Variants in ANKS1B observed in about 807,000 individuals in gnomAD.
ANKS1B encodes ankyrin repeat and sterile alpha motif domain-containing protein 1B.
Under a neutral mutation model 148.3 loss-of-function variants are expected in ANKS1B, and 36 were observed. That is an observed-to-expected ratio of 0.24 (90% confidence interval 0.19 to 0.32). The LOEUF (loss-of-function observed/expected upper bound fraction) is 0.32, where lower values mean the gene tolerates loss of function less well. Ranked by LOEUF, ANKS1B falls within the 10% of genes least tolerant of loss-of-function variation. The pLI is 1.00. For missense variants in ANKS1B, 1,157 were observed against 1,542.6 expected (o/e 0.75, Z 4.19); for synonymous variants, 542 against 560.8 (o/e 0.97, Z 0.47).
chr12:99,948,348 T>C (rs1307969232), intron 1 of ANKS1B, among the ~76,000 whole-genome samples: 1 of 147,822 alleles, frequency 6.8e-6, no homozygotes, highest in African/African-American at 2.5e-5. Context: ...AAAAGAAGGA[T>C]GCCTTTTATT....
chr12:98,772,350 A>G (rs12099551), intron 25 of ANKS1B, among the ~76,000 whole-genome samples: 2,700 of 152,290 alleles, frequency 0.018, 81 homozygotes, highest in African/African-American at 0.062. Context: ...CTAAGCACAG[A>G]GGAAAGGCGA....
At chr12:99,461,894 C>A (rs1462456865) in intron 10 of ANKS1B, among the ~76,000 whole-genome samples, 2 of 152,218 alleles carry the variant, frequency 1.3e-5, no homozygotes, top group Non-Finnish European at 2.9e-5. Context: ...TCTGTGGATA[C>A]AATGTCCAAT....
chr12:99,909,217 CGTGTGT>C (rs60264932), intron 1 of ANKS1B, among the ~76,000 whole-genome samples: 26,613 of 137,080 alleles, frequency 0.19, 2,721 homozygotes, highest in Middle Eastern at 0.22. Flanking sequence ...AATATTCCAT[CGTGTGT>C]GTGTGTGTGT....
chr12:99,524,677 T>A (rs1160713100), intron 9 of ANKS1B, among the ~76,000 whole-genome samples: 5 of 152,230 alleles, frequency 3.3e-5, no homozygotes, highest in Non-Finnish European at 7.3e-5. Flanking sequence ...AGTCCCATGT[T>A]GCTGGGGAGG....
chr12:98,980,407 C>T (rs1281580541), intron 17 of ANKS1B, among the ~76,000 whole-genome samples: 2 of 152,170 alleles, frequency 1.3e-5, no homozygotes, highest in African/African-American at 4.8e-5. Context: ...GGGGTTTCAC[C>T]GTGTTAGCCA....
intron 14 of ANKS1B, among the ~76,000 whole-genome samples, chr12:99,197,552 C>T (rs1320594236): frequency 1.3e-5 from 2 of 152,176 alleles, no homozygotes; most frequent in Admixed American, 1.3e-4. Context: ...ATGGAAAGAT[C>T]ATCCTGGTTT....
At chr12:99,156,368 A>C (rs570481078) in intron 14 of ANKS1B, among the ~76,000 whole-genome samples, 7 of 152,198 alleles carry the variant, frequency 4.6e-5, no homozygotes, top group Non-Finnish European at 8.8e-5. Context: ...TATTTAAAAA[A>C]TCAATTTTAT....
chr12:98,903,890 A>C (rs142629293), intron 17 of ANKS1B, among the ~76,000 whole-genome samples: 1 of 152,196 alleles, frequency 6.6e-6, no homozygotes, highest in African/African-American at 2.4e-5. Context: ...AAGCCCATCC[A>C]TCTTTGAGAC....
intron 16 of ANKS1B, among the ~76,000 whole-genome samples, chr12:99,076,188 T>G (rs2047816233): frequency 1.3e-5 from 2 of 152,104 alleles, no homozygotes; most frequent in Non-Finnish European, 2.9e-5. Flanking sequence ...TCAGCTGTGT[T>G]CAGATGTAGG....
chr12:99,618,929 C>G (rs1437320435), intron 9 of ANKS1B, among the ~76,000 whole-genome samples: 1 of 152,142 alleles, frequency 6.6e-6, no homozygotes, highest in Non-Finnish European at 1.5e-5. Context: ...TGAAAAGCAC[C>G]TCAGTAGTCG....
intron 9 of ANKS1B, among the ~76,000 whole-genome samples, chr12:99,543,542 G>T (rs930072723): frequency 6.6e-6 from 1 of 152,072 alleles, no homozygotes; most frequent in Non-Finnish European, 1.5e-5. Context: ...TAGCAGCATT[G>T]CTCAAAATAG....
At chr12:99,036,159 A>G (rs1344958321) in intron 17 of ANKS1B, among the ~76,000 whole-genome samples, 1 of 152,192 alleles carries the variant, frequency 6.6e-6, no homozygotes, top group African/African-American at 2.4e-5. Context: ...GCAGCATAAG[A>G]AGTCAGTGGT....
chr12:98,836,716 G>A (rs2099365486), intron 17 of ANKS1B, among the ~76,000 whole-genome samples: 1 of 152,178 alleles, frequency 6.6e-6, no homozygotes, highest in African/African-American at 2.4e-5. Flanking sequence ...CAGTAGAGAA[G>A]AATTCTGTGT....
chr12:99,754,819 T>C (rs1185584425), intron 8 of ANKS1B, among the ~76,000 whole-genome samples: 1 of 152,066 alleles, frequency 6.6e-6, no homozygotes, highest in African/African-American at 2.4e-5. Flanking sequence ...AGATACAACA[T>C]ACCAGAATCT....
At chr12:98,915,370 T>TA (rs397712307) in intron 17 of ANKS1B, among the ~76,000 whole-genome samples, 4 of 151,904 alleles carry the variant, frequency 2.6e-5, no homozygotes, top group Admixed American at 2.6e-4. Context: ...AATTTTTTTT[T>TA]AGACAGAGTC....
intron 17 of ANKS1B, among the ~76,000 whole-genome samples, chr12:98,998,978 G>C (rs2099931307): frequency 6.6e-6 from 1 of 152,152 alleles, no homozygotes; most frequent in Non-Finnish European, 1.5e-5. Context: ...TAAAATCAGT[G>C]GTTATAATCT....
intron 19 of ANKS1B, among the ~76,000 whole-genome samples, chr12:98,822,034 C>T (rs1566885466): frequency 6.6e-6 from 1 of 151,582 alleles, no homozygotes; most frequent in Non-Finnish European, 1.5e-5. Context: ...GGAAAAGAGC[C>T]AACACAGAGG....
intron 12 of ANKS1B, among the ~76,000 whole-genome samples, chr12:99,340,292 TG>T (rs773599918): frequency 6.3e-4 from 96 of 152,230 alleles, no homozygotes; most frequent in Middle Eastern, 3.4e-3. Flanking sequence ...GCTGATCAGC[TG>T]TGATAAAGCA....
intron 9 of ANKS1B, among the ~76,000 whole-genome samples, chr12:99,620,183 G>A (rs571361372): frequency 6.6e-6 from 1 of 152,278 alleles, no homozygotes; most frequent in East Asian, 1.9e-4. Context: ...ACCCCTTAGG[G>A]AGATGGGAAA....
Sources: gnomAD v4.1 joint callset for allele counts (sites outside exome capture counted in the v4.1 genomes callset) on GRCh38, gnomAD v4.1.1 for gene constraint, MANE v1.5 for transcripts, NCBI Gene and HGNC (gene_info 2026-07-23, HGNC 2026-07-21) for gene names.